The following BDH1 variants were observed in gnomAD, a reference collection of about 807,000 sequenced individuals.
The protein encoded by BDH1 is 3-hydroxybutyrate dehydrogenase 1, also known as D-beta-hydroxybutyrate dehydrogenase, mitochondrial.
In BDH1, 30 loss-of-function variants were observed where a neutral mutation model predicts 33.1. The ratio of observed to expected loss-of-function variants is 0.91; its 90% CI spans 0.68 to 1.23. The LOEUF (loss-of-function observed/expected upper bound fraction) is 1.23. BDH1 is among the 50% of genes most tolerant of loss of function. The probability of loss-of-function intolerance (pLI) is 0.00; values close to 1 mark genes in which losing one functional copy is unlikely to be tolerated. For synonymous variants in BDH1, 190 were observed against 183.6 expected, an observed-to-expected ratio of 1.03 and a Z score of -0.28; for missense variants, 443 against 464.4, an observed-to-expected ratio of 0.95 and a Z score of 0.42.
chr3:197,546,904 G>T (rs1461959592), intron 2 of BDH1, among the ~76,000 whole-genome samples: 1 of 152,216 alleles, frequency 6.6e-6, no homozygotes, highest in Non-Finnish European at 1.5e-5. Flanking sequence ...TGGTGCCCCA[G>T]GGCATCAGCC....
intron 5 of BDH1, chr3:197,529,410 T>G (rs1714440422): frequency 3.9e-5 from 6 of 152,230 alleles, no homozygotes; most frequent in Admixed American, 3.3e-4. Flanking sequence ...CTTTGGATTT[T>G]GGATTTTCAG....
chr3:197,556,224 C>A (rs770463966), upstream of BDH1, among the ~76,000 whole-genome samples: 15 of 152,234 alleles, frequency 9.9e-5, no homozygotes, highest in Non-Finnish European at 1.6e-4. Flanking sequence ...AGGGTTGCAG[C>A]CTCGCGGGCT....
rs192331651 is a variant in BDH1, at chr3:197,527,114, T to A, written c.268-4333A>T. Among the ~76,000 whole-genome samples the A allele has an allele frequency of 2.1e-4, 32 of 152,328 alleles. 1 individual carries two copies. The highest frequency in any genetic ancestry group is 2.1e-3 in the Admixed American group (32 of 15,300). On this transcript the variant is annotated intron_variant, in intron 5 of 7. Coordinates refer to ENST00000392379, the MANE Select transcript of BDH1 (RefSeq NM_203314.3). The stretch of plus-strand genomic sequence containing the variant: ...TGGTTTAGCACCTCAGGGAAGAACA[T>A]GAGGACACTCGACACATGTTATACG...
chr3:197,523,703 G>T lies in BDH1; in HGVS notation c.268-922C>A, dbSNP rs573357719. Among the ~76,000 whole-genome samples the T allele has an allele frequency of 6.6e-6, 1 of 152,168 alleles. No homozygotes were observed. The highest frequency in any genetic ancestry group is 2.4e-5 in the African/African-American group (1 of 41,430). ...GAAGGAGACAGGTGAGCACGTAAGCGACACAGTGACTGTGTGCTGTATGGA... is the reference window on the plus strand; with the variant it reads ...GAAGGAGACAGGTGAGCACGTAAGCTACACAGTGACTGTGTGCTGTATGGA... On this transcript the variant is annotated intron_variant, in intron 5 of 7. Coordinates refer to ENST00000392379, the MANE Select transcript of BDH1 (RefSeq NM_203314.3). The surrounding 1 kb of genome is among the most constrained non-coding windows in gnomAD (Gnocchi z 4.5).
chr3:197,531,898 GC>G, intron 5 of BDH1, among the ~76,000 whole-genome samples: 1 of 152,062 alleles, frequency 6.6e-6, no homozygotes, highest in Non-Finnish European at 1.5e-5. Flanking sequence ...CTCTGCCCAG[GC>G]TATTCCTCCC....
rs1713403491 is a variant in BDH1 at position 197,520,331 on chromosome 3, G to A, written c.409+2309C>T. On this transcript the variant is annotated intron_variant, in intron 6 of 7. Coordinates refer to ENST00000392379, the MANE Select transcript of BDH1 (RefSeq NM_203314.3). This position sits in a 1 kb window ranked among gnomAD's most constrained non-coding sequence, Gnocchi z 6.0. Reference sequence around the variant, plus strand: ...TATCGGTTAAGGAAGTTGATGGTGAGAGGTTCATCCAGCCCTCCGGAATGC... The same window carrying A: ...TATCGGTTAAGGAAGTTGATGGTGAAAGGTTCATCCAGCCCTCCGGAATGC... Among the ~76,000 whole-genome samples, 1 of 152,202 alleles carries A rather than the reference G, an allele frequency of 6.6e-6. No individual in the cohort carries two copies. Among genetic ancestry groups the A allele is most frequent in the Admixed American group, 6.5e-5 (1 of 15,288 alleles).
chr3:197,511,643 C>A lies in BDH1; in HGVS notation c.*252G>T, dbSNP rs768484600. 2.5e-5 allele frequency: 11 copies of A among 435,704 alleles called. No individual in the cohort carries two copies. The highest frequency in any genetic ancestry group is 4.4e-5 in the Non-Finnish European group (11 of 248,542). The allele number at this position is 435,704 out of a possible 1,614,324, so 27.0% of individuals were successfully genotyped here. A position where few individuals can be genotyped will look rare whatever the true frequency, so the allele number is the denominator to read the frequency against. ...TAAAATCTCTGTATGAAATTATCTC[C>A]GGAGAGATAGATTCACCATGTTTGC... On this transcript the variant is annotated 3_prime_UTR_variant, in exon 8 of 8. Coordinates refer to ENST00000392379, the MANE Select transcript of BDH1 (RefSeq NM_203314.3).
At chr3:197,570,336 T>C (rs1717566997) in intron 1 of BDH1, among the ~76,000 whole-genome samples, 2 of 152,254 alleles carry the variant, frequency 1.3e-5, no homozygotes, top group Admixed American at 1.3e-4. Context: ...AAACGCATTT[T>C]CTGAGGAGAA....
At position 197,522,716 on chromosome 3, in the gene BDH1, C is replaced by A. The variant is rs760335872; in HGVS notation, c.333G>T (p.Gln111His). 1.2e-5 allele frequency: 20 copies of A among 1,614,220 alleles called. No individual in the cohort carries two copies. Among genetic ancestry groups the A allele is most frequent in the East Asian group, 2.2e-5 (1 of 44,882 alleles). ...SLNSDRLRTV[Q>H]LNVCSSEEVE... ...CCTCTTCGCTGCTGCAGACATTGAG[C>A]TGGACGGTTCTCAATCGGTCACTGT... The change falls in exon 6 of 8, where the codon CAG becomes CAT. Residue 111 changes from glutamine (Q) to histidine (H), a missense_variant. Gln to His is a conservative substitution (Grantham distance 24, BLOSUM62 0). Coordinates refer to ENST00000392379, the MANE Select transcript of BDH1 (RefSeq NM_203314.3). The surrounding 1 kb of genome is among the most constrained non-coding windows in gnomAD (Gnocchi z 4.8).
intron 1 of BDH1, among the ~76,000 whole-genome samples, chr3:197,555,097 A>G (rs1364892019): frequency 3.3e-5 from 5 of 152,302 alleles, no homozygotes; most frequent in Non-Finnish European, 4.4e-5. Context: ...TCCCGGGCCC[A>G]CCACCACTCT....
chr3:197,510,707 GTGTGTGTGTGTACA>G lies in BDH1; in HGVS notation c.*1174_*1187del. ...AAGGTGTGTGTGTGTGTGTGTGTGTGTGTGTGTGTGTACATGTGTGTAAGCACCACGTGAGGCAA... is the reference window on the plus strand; with the variant it reads ...AAGGTGTGTGTGTGTGTGTGTGTGTGTGTGTGTAAGCACCACGTGAGGCAA... On this transcript the variant is annotated 3_prime_UTR_variant, in exon 8 of 8. Transcript: ENST00000392379. The G allele has an allele frequency of 2.4e-5, 3 of 123,256 alleles. No homozygotes were observed. The highest frequency in any genetic ancestry group is 1.1e-4 in the African/African-American group (3 of 27,694). The allele number at this position is 123,256 out of a possible 1,614,324, so 7.6% of individuals were successfully genotyped here. A position where few individuals can be genotyped will look rare whatever the true frequency, so the allele number is the denominator to read the frequency against.
chr3:197,534,592 C>G (rs1714984212), intron 3 of BDH1, among the ~76,000 whole-genome samples: 6 of 152,080 alleles, frequency 3.9e-5, no homozygotes, highest in Admixed American at 3.9e-4. Context: ...GGGTAGGTGC[C>G]CAGGGGTGTA....
rs532416360 is a variant in BDH1 at position 197,523,828 on chromosome 3, C to T, written c.268-1047G>A. Among the ~76,000 whole-genome samples the T allele has an allele frequency of 5.3e-5, 8 of 152,178 alleles. No individual in the cohort carries two copies. The South Asian group carries it at 6.2e-4, about 12-fold the overall frequency. On this transcript the variant is annotated intron_variant, in intron 5 of 7. Transcript: ENST00000392379. This position sits in a 1 kb window ranked among gnomAD's most constrained non-coding sequence, Gnocchi z 4.5. ...ATTCACAAGAGGGGGCCGATGGGGA[C>T]GGGGCACTGTGGGAAGAGATAAGAG...
intron 5 of BDH1, among the ~76,000 whole-genome samples, chr3:197,524,908 C>T (rs533970260): frequency 2.0e-5 from 3 of 152,178 alleles, no homozygotes; most frequent in Admixed American, 2.0e-4. Context: ...TCCCCAGTGG[C>T]CCTTTGAAAA....
chr3:197,547,730 C>T (rs954889588), intron 2 of BDH1, among the ~76,000 whole-genome samples: 2 of 152,246 alleles, frequency 1.3e-5, no homozygotes, highest in South Asian at 2.1e-4. Context: ...CCTCTCCCTC[C>T]CTGGAGGCCC....
chr3:197,572,424 G>A (rs1717638869), intron 1 of BDH1, among the ~76,000 whole-genome samples: 2 of 152,196 alleles, frequency 1.3e-5, no homozygotes, highest in African/African-American at 4.8e-5. Flanking sequence ...ATATAGCTTA[G>A]AAGGTATATA....
chr3:197,561,376 C>G (rs532529284), intron 1 of BDH1, among the ~76,000 whole-genome samples: 2 of 152,174 alleles, frequency 1.3e-5, no homozygotes, highest in East Asian at 1.9e-4. Context: ...TTGCTTCCAA[C>G]AAGGAAGGCA....
At chr3:197,552,308 T>C (rs753387984) in intron 2 of BDH1, among the ~76,000 whole-genome samples, 3 of 152,178 alleles carry the variant, frequency 2.0e-5, no homozygotes, top group Non-Finnish European at 4.4e-5. Flanking sequence ...TTGCCTGGAT[T>C]ATTGCAGTAG....
chr3:197,545,509 G>A (rs901395592), intron 3 of BDH1, among the ~76,000 whole-genome samples: 5 of 152,212 alleles, frequency 3.3e-5, no homozygotes, highest in Non-Finnish European at 5.9e-5. Context: ...TAACCAGCGA[G>A]AGTGTCAAGG....
Sources: allele counts gnomAD v4.1 joint callset (sites outside exome capture counted in the v4.1 genomes callset), GRCh38; gene constraint gnomAD v4.1.1; non-coding constraint Gnocchi (gnomAD v3.1); transcripts MANE v1.5; gene names NCBI Gene and HGNC (gene_info 2026-07-23, HGNC 2026-07-21).